Variants in RERE observed in about 807,000 individuals in gnomAD.
RERE encodes the protein arginine-glutamic acid dipeptide repeats, also known as arginine-glutamic acid dipeptide repeats protein.
In RERE, 40 loss-of-function variants were observed where a neutral mutation model predicts 146.1. The observed-to-expected ratio is 0.27, with a 90% CI of 0.21 to 0.36. RERE has a LOEUF of 0.36. Among genes scored for constraint, RERE ranks in the 10% least tolerant of loss-of-function variants. The probability of loss-of-function intolerance (pLI) is 1.00; values close to 1 mark genes in which losing one functional copy is unlikely to be tolerated. For synonymous variants in RERE, 1,003 were observed against 866.0 expected (o/e 1.16, Z -2.78); for missense variants, 1,933 against 2,138.7 (o/e 0.90, Z 1.90).
chr1:8,752,716 C>T (rs1640563357), intron 1 of RERE, among the ~76,000 whole-genome samples: 1 of 152,092 alleles, frequency 6.6e-6, no homozygotes, highest in South Asian at 2.1e-4. Context: ...TTGTAGGAAA[C>T]TGATATGATC....
intron 2 of RERE, among the ~76,000 whole-genome samples, chr1:8,637,312 T>G (rs1188456578): frequency 6.6e-6 from 1 of 152,186 alleles, no homozygotes; most frequent in African/African-American, 2.4e-5. Flanking sequence ...TAACCTCTCC[T>G]GCAGACTGCC....
Position 8,452,994 on chromosome 1 carries a change from C to T in RERE, c.1203+12931G>A, listed in dbSNP as rs565193890. ...GGACTCCTCTAAATGTGTGAGCAAC[C>T]GGATTACACATCTCAGAGTGTGGCC... On this transcript the variant is annotated intron_variant, in intron 11 of 22. Transcript: ENST00000400908. Among the ~76,000 whole-genome samples the T allele has an allele frequency of 3.9e-5, 6 of 152,162 alleles. 1 individual carries two copies. The South Asian group carries it at 1.0e-3, about 26-fold the overall frequency.
At chr1:8,677,967 T>C (rs544932992) in intron 1 of RERE, among the ~76,000 whole-genome samples, 3 of 152,302 alleles carry the variant, frequency 2.0e-5, no homozygotes, top group Admixed American at 2.0e-4. Flanking sequence ...GAAAAACTAT[T>C]TGTTTGTATT....
intron 1 of RERE, among the ~76,000 whole-genome samples, chr1:8,688,712 G>C (rs1385888311): frequency 2.0e-5 from 3 of 152,182 alleles, no homozygotes; most frequent in Non-Finnish European, 4.4e-5. Context: ...CTATCTGTCT[G>C]TCCATTTGTC....
At chr1:8,368,089 G>T (rs1641885643) in intron 12 of RERE, among the ~76,000 whole-genome samples, 1 of 152,186 alleles carries the variant, frequency 6.6e-6, no homozygotes, top group Non-Finnish European at 1.5e-5. Context: ...TCAAATTCCA[G>T]AGCTTGAAAG....
intron 12 of RERE, among the ~76,000 whole-genome samples, chr1:8,397,946 T>C (rs1192242202): frequency 6.6e-6 from 1 of 152,256 alleles, no homozygotes; most frequent in African/African-American, 2.4e-5. Flanking sequence ...ATGATGAAGA[T>C]AATGTGAGTA....
intron 12 of RERE, among the ~76,000 whole-genome samples, chr1:8,367,184 C>T (rs1437728431): frequency 1.3e-5 from 2 of 152,050 alleles, no homozygotes; most frequent in Non-Finnish European, 2.9e-5. Flanking sequence ...ATAGACAAAC[C>T]AAACAAAGAC....
intron 1 of RERE, among the ~76,000 whole-genome samples, chr1:8,686,044 C>T (rs977468245): frequency 4.0e-5 from 6 of 151,384 alleles, no homozygotes; most frequent in South Asian, 2.1e-4. Flanking sequence ...AGCAGTAGCA[C>T]GATCTCAGCT....
intron 1 of RERE, among the ~76,000 whole-genome samples, chr1:8,742,379 T>C (rs1640326179): frequency 6.6e-6 from 1 of 152,204 alleles, no homozygotes; most frequent in Admixed American, 6.5e-5. Flanking sequence ...GCAAAGATTG[T>C]AGAGCTGAAT....
At position 8,360,494 on chromosome 1, in the gene RERE, G is replaced by A; in HGVS notation, c.3013C>T (p.Pro1005Ser). Residue 1005 changes from proline (P) to serine (S), a missense_variant, in exon 18 of 23, where the codon CCC (proline) becomes TCC (serine). Physicochemically the swap from Pro to Ser is moderately conservative, Grantham distance 74. Around this residue, in one of 11 missense-constraint regions of RERE, gnomAD observed 1,255 missense variants for 1,153.8 expected, o/e 1.09. Transcript: ENST00000400908. The stretch of plus-strand genomic sequence containing the variant: ...AGGTTCTGGCTCTGGGTCAGCCCGG[G>A]GGGCTGGGCGGGCGAGGAGGGCAAT... Reference protein sequence around the residue: ...QPLPSSPAQPPGLTQSQNLPP... With the variant: ...QPLPSSPAQPSGLTQSQNLPP... The A allele has an allele frequency of 7.3e-7, 1 of 1,376,578 alleles. No homozygotes were observed. The highest frequency in any genetic ancestry group is 9.6e-7 in the Non-Finnish European group (1 of 1,043,196). The allele number at this position is 1,376,578 out of a possible 1,614,324, so 85.3% of individuals were successfully genotyped here.
chr1:8,642,766 G>C (rs1304748950), intron 2 of RERE, among the ~76,000 whole-genome samples: 2 of 152,034 alleles, frequency 1.3e-5, no homozygotes, highest in Non-Finnish European at 2.9e-5. Flanking sequence ...AAACCTTCTG[G>C]ACAGTCATTT....
chr1:8,751,801 CATT>C (rs1640542697), intron 1 of RERE, among the ~76,000 whole-genome samples: 1 of 149,762 alleles, frequency 6.7e-6, no homozygotes, highest in Admixed American at 6.6e-5. Flanking sequence ...AAAGAACTTA[CATT>C]ATCATCTAGT....
chr1:8,355,680 G>A (rs1641262641), intron 21 of RERE, 81 bp from the exon 22 acceptor site: 4 of 1,261,780 alleles, frequency 3.2e-6, no homozygotes, highest in South Asian at 1.5e-5. Flanking sequence ...ACAGCAAACG[G>A]CAAAGAGCAC....
chr1:8,437,477 C>A (rs1644186375), intron 11 of RERE, among the ~76,000 whole-genome samples: 1 of 152,092 alleles, frequency 6.6e-6, no homozygotes, highest in African/African-American at 2.4e-5. Context: ...CCGCCTACCC[C>A]ATGCAGGATG....
chr1:8,682,354 C>G (rs1294891008), intron 1 of RERE, among the ~76,000 whole-genome samples: 1 of 152,200 alleles, frequency 6.6e-6, no homozygotes, highest in Non-Finnish European at 1.5e-5. Context: ...TTTATCAATA[C>G]CACAGCCTTT....
intron 11 of RERE, among the ~76,000 whole-genome samples, chr1:8,456,089 G>T (rs1338903183): frequency 1.3e-5 from 2 of 152,176 alleles, no homozygotes; most frequent in South Asian, 2.1e-4. Flanking sequence ...CGGCCGACAA[G>T]GGAAGCTGGC....
At chr1:8,424,397 T>G (rs984033935) in intron 11 of RERE, among the ~76,000 whole-genome samples, 3 of 152,256 alleles carry the variant, frequency 2.0e-5, no homozygotes, top group African/African-American at 7.2e-5. Flanking sequence ...TTAAGACCAG[T>G]CTGCAACCTC....
intron 4 of RERE, among the ~76,000 whole-genome samples, chr1:8,558,961 A>G (rs559767243): frequency 6.6e-6 from 1 of 151,272 alleles, no homozygotes; most frequent in South Asian, 2.1e-4. Context: ...ATGCCCAGCT[A>G]TTTTTTGTAT....
chr1:8,421,821 C>A (rs1459687326), intron 12 of RERE, among the ~76,000 whole-genome samples: 2 of 152,196 alleles, frequency 1.3e-5, no homozygotes, highest in African/African-American at 4.8e-5. Flanking sequence ...AATGTCTAGG[C>A]AGATTAAACA....
Sources: gnomAD v4.1 joint callset for allele counts (sites outside exome capture counted in the v4.1 genomes callset) on GRCh38, gnomAD v4.1.1 for gene constraint, gnomAD v4.1.1 regional missense constraint, MANE v1.5 for transcripts, NCBI Gene and HGNC (gene_info 2026-07-23, HGNC 2026-07-21) for gene names.